The following SH3RF3 variants were observed in gnomAD, a reference collection of about 807,000 sequenced individuals.
SH3RF3 encodes the protein E3 ubiquitin-protein ligase SH3RF3.
SH3RF3 carries 29 observed loss-of-function variants against 66.3 expected under a neutral mutation model. That is an observed-to-expected ratio of 0.44 (90% CI 0.33 to 0.60). The LOEUF (loss-of-function observed/expected upper bound fraction) is 0.60, where lower values mean the gene tolerates loss of function less well. SH3RF3 is among the 20% of genes least tolerant of loss of function. SH3RF3 has a pLI of 0.04. For missense variants in SH3RF3, 1,194 were observed against 1,190.9 expected, an observed-to-expected ratio of 1.00 and a Z score of -0.04; for synonymous variants, 583 against 532.0, an observed-to-expected ratio of 1.10 and a Z score of -1.32.
chr2:109,186,452 C>A (rs545751765), intron 1 of SH3RF3, among the ~76,000 whole-genome samples: 6 of 152,356 alleles, frequency 3.9e-5, no homozygotes, highest in South Asian at 4.1e-4. Context: ...ACTTCACCGC[C>A]GTGCTGGACC....
chr2:109,246,494 T>G (rs1360009918), intron 1 of SH3RF3, among the ~76,000 whole-genome samples: 1 of 152,184 alleles, frequency 6.6e-6, no homozygotes, highest in Non-Finnish European at 1.5e-5. Flanking sequence ...GGATTTAACA[T>G]ATGACTTTTA....
intron 1 of SH3RF3, among the ~76,000 whole-genome samples, chr2:109,331,728 A>C (rs1419892482): frequency 6.6e-6 from 1 of 152,184 alleles, no homozygotes; most frequent in African/African-American, 2.4e-5. Context: ...AGTTCCTAGA[A>C]CCATGTCTGG....
At chr2:109,419,724 C>T (rs1383085622) in intron 5 of SH3RF3, 82 bp downstream of exon 5, 1 of 1,353,804 alleles carries the variant, frequency 7.4e-7, no homozygotes, top group African/African-American at 1.4e-5. Context: ...CGTGTGGTTT[C>T]CGCAGGGTTT....
Position 109,347,723 on chromosome 2 carries a change from A to G in SH3RF3, c.623A>G (p.Lys208Arg). ...AAGGCCCTCTACAGCTACGAGGGGA[A>G]GGAACCTGGTGACCTCAAGTTCAAC... Reference protein sequence around the residue: ...YGKALYSYEGKEPGDLKFNKG... With the variant: ...YGKALYSYEGREPGDLKFNKG... Residue 208 changes from lysine (K) to arginine (R), a missense_variant, in exon 2 of 10, where the codon AAG becomes AGG. Transcript: ENST00000309415. 6.2e-7 allele frequency: 1 copy of G among 1,613,924 alleles called. No individual in the cohort carries two copies. Among genetic ancestry groups the G allele is most frequent in the Non-Finnish European group, 8.5e-7 (1 of 1,179,862 alleles).
In SH3RF3 at chr2:109,278,010, C is replaced by CAAA. The variant is rs58675048; in HGVS notation, c.574-69646_574-69644dup. ...GGCAACAAGGAGACCCTGTCTCTAA[C>CAAA]AAAAAAAAAAAAAAAAAAAAGCCAG... On this transcript the variant is annotated intron_variant, in intron 1 of 9. Transcript: ENST00000309415. Among the ~76,000 whole-genome samples the CAAA allele has an allele frequency of 2.5e-3, 206 of 81,294 alleles. 2 individuals carry two copies. The highest frequency in any genetic ancestry group is 3.7e-3 in the Non-Finnish European group (160 of 42,708). The allele number at this position is 81,294 out of a possible 152,430, so 53.3% of individuals were successfully genotyped here. A position where few individuals can be genotyped will look rare whatever the true frequency, so the allele number is the denominator to read the frequency against.
Position 109,398,641 on chromosome 2 carries a change from G to T in SH3RF3, c.997G>T (p.Ala333Ser), listed in dbSNP as rs746617748. ...TGAGATGGACAAGCCATGCCCAGCCGCTGCATCCAGCTGCAATGCCTCCCT... is the reference window on the plus strand; with the variant it reads ...TGAGATGGACAAGCCATGCCCAGCCTCTGCATCCAGCTGCAATGCCTCCCT... The part of the protein sequence containing the change: ...LIEMDKPCPA[A>S]ASSCNASLPS... The change falls in exon 4 of 10, where the codon GCT becomes TCT. Residue 333 changes from alanine (A) to serine (S), a missense_variant. Coordinates refer to ENST00000309415, the MANE Select transcript of SH3RF3 (RefSeq NM_001099289.3). 4 of 1,599,182 alleles carry T rather than the reference G, an allele frequency of 2.5e-6. No homozygotes were observed. The highest frequency in any genetic ancestry group is 2.7e-5 in the African/African-American group (2 of 74,568).
intron 8 of SH3RF3, among the ~76,000 whole-genome samples, chr2:109,478,026 T>C (rs568410056): frequency 6.6e-5 from 10 of 152,298 alleles, no homozygotes; most frequent in Admixed American, 5.2e-4. Flanking sequence ...CTGGAATGAT[T>C]AGAAAGCTGA....
intron 8 of SH3RF3, among the ~76,000 whole-genome samples, chr2:109,452,901 C>T (rs1389600046): frequency 7.0e-6 from 1 of 142,120 alleles, no homozygotes; most frequent in South Asian, 2.3e-4. Context: ...GGAGGCTGGT[C>T]CCGGGAGGCT....
chr2:109,245,619 T>A (rs180775562), intron 1 of SH3RF3, among the ~76,000 whole-genome samples: 1 of 152,254 alleles, frequency 6.6e-6, no homozygotes, highest in African/African-American at 2.4e-5. Flanking sequence ...AGTCTATATA[T>A]AAAATAACTT....
intron 8 of SH3RF3, among the ~76,000 whole-genome samples, chr2:109,457,840 G>A (rs1366245701): frequency 2.0e-5 from 3 of 152,256 alleles, no homozygotes; most frequent in African/African-American, 7.2e-5. Context: ...ACATCAGAAG[G>A]TAATGCCCAC....
At chr2:109,324,425 C>T (rs1431586909) in intron 1 of SH3RF3, among the ~76,000 whole-genome samples, 1 of 152,318 alleles carries the variant, frequency 6.6e-6, no homozygotes, top group East Asian at 1.9e-4. Context: ...TATGACATTC[C>T]AGTTTCTCCA....
At chr2:109,321,770 A>G (rs1341475138) in intron 1 of SH3RF3, among the ~76,000 whole-genome samples, 1 of 152,220 alleles carries the variant, frequency 6.6e-6, no homozygotes, top group Non-Finnish European at 1.5e-5. Flanking sequence ...AACTACTGTT[A>G]TTCTGCTAGA....
At chr2:109,141,984 T>A (rs551047680) in intron 1 of SH3RF3, among the ~76,000 whole-genome samples, 1 of 151,936 alleles carries the variant, frequency 6.6e-6, no homozygotes, top group African/African-American at 2.4e-5. Context: ...CCTCCTCTGG[T>A]GTGTGGCCAT....
chr2:109,429,451 A>T (rs2104557946), intron 5 of SH3RF3, among the ~76,000 whole-genome samples: 1 of 152,312 alleles, frequency 6.6e-6, no homozygotes, highest in African/African-American at 2.4e-5. Flanking sequence ...AACAGAACGA[A>T]CTTAAAATTT....
chr2:109,293,282 C>T (rs111982957), intron 1 of SH3RF3, among the ~76,000 whole-genome samples: 81 of 151,880 alleles, frequency 5.3e-4, no homozygotes, highest in African/African-American at 1.8e-3. Flanking sequence ...CTAAAAATAC[C>T]CAGCACTGCA....
intron 8 of SH3RF3, among the ~76,000 whole-genome samples, chr2:109,480,910 A>G (rs554950868): frequency 5.8e-4 from 89 of 152,274 alleles, no homozygotes; most frequent in Non-Finnish European, 1.1e-3. Flanking sequence ...TCTTAAAAGA[A>G]TGTCTAGAAG....
chr2:109,160,247 G>T (rs1415344591), intron 1 of SH3RF3, among the ~76,000 whole-genome samples: 1 of 152,202 alleles, frequency 6.6e-6, no homozygotes, highest in Non-Finnish European at 1.5e-5. Context: ...GCTGAGCAGG[G>T]TGACCCATGG....
At chr2:109,239,465 A>G (rs192646971) in intron 1 of SH3RF3, among the ~76,000 whole-genome samples, 238 of 152,338 alleles carry the variant, frequency 1.6e-3, no homozygotes, top group Non-Finnish European at 2.5e-3. Flanking sequence ...CCAATCAAGT[A>G]AAAGCTTTTT....
intron 8 of SH3RF3, among the ~76,000 whole-genome samples, chr2:109,462,357 A>C (rs1439603871): frequency 6.6e-6 from 1 of 152,128 alleles, no homozygotes; most frequent in African/African-American, 2.4e-5. Flanking sequence ...ATCACTGCAT[A>C]TCAGATACCA....
Sources: allele counts gnomAD v4.1 joint callset (sites outside exome capture counted in the v4.1 genomes callset), GRCh38; gene constraint gnomAD v4.1.1; transcripts MANE v1.5; gene names NCBI Gene and HGNC (gene_info 2026-07-23, HGNC 2026-07-21).